Variants in ADCY8 observed in about 807,000 individuals in gnomAD.
ADCY8 encodes the protein adenylate cyclase type 8.
In ADCY8, 51 loss-of-function variants were observed where a neutral mutation model predicts 119.7. That is an observed-to-expected ratio of 0.43 (90% CI 0.34 to 0.54). ADCY8 has a LOEUF of 0.54. ADCY8 is among the 20% of genes least tolerant of loss of function. The pLI, the probability that ADCY8 is intolerant of heterozygous loss-of-function variation, is 0.03. For missense variants in ADCY8, 1,383 were observed against 1,598.8 expected (o/e 0.87, Z 2.30); for synonymous variants, 665 against 651.0 (o/e 1.02, Z -0.33).
At chr8:131,024,187 G>A (rs903003670) in intron 1 of ADCY8, among the ~76,000 whole-genome samples, 2 of 152,148 alleles carry the variant, frequency 1.3e-5, no homozygotes, top group Non-Finnish European at 2.9e-5. Context: ...CCACTGTCGC[G>A]TGTTTGGCAG....
chr8:130,805,295 C>T (rs72712449), intron 14 of ADCY8, among the ~76,000 whole-genome samples: 31,055 of 152,016 alleles, frequency 0.2, 3,695 homozygotes, highest in Middle Eastern at 0.39. Context: ...ATACTTTACC[C>T]GAGCCCCATA....
At chr8:130,831,236 A>G (rs1816824906) in intron 12 of ADCY8, among the ~76,000 whole-genome samples, 1 of 152,220 alleles carries the variant, frequency 6.6e-6, no homozygotes, top group Non-Finnish European at 1.5e-5. Context: ...TGCTTCTTTC[A>G]GTCACTCAAT....
At chr8:130,826,275 A>G in intron 12 of ADCY8, among the ~76,000 whole-genome samples, 1 of 152,356 alleles carries the variant, frequency 6.6e-6, no homozygotes, top group African/African-American at 2.4e-5. Context: ...CATATGAACT[A>G]TTAAGTATTG....
At chr8:130,997,694 C>A (rs1035846882) in intron 1 of ADCY8, among the ~76,000 whole-genome samples, 1 of 152,172 alleles carries the variant, frequency 6.6e-6, no homozygotes, top group Non-Finnish European at 1.5e-5. Flanking sequence ...AATGCCTGAA[C>A]TGTTCAATTA....
rs1480617693 is a variant in ADCY8, at chr8:130,869,523, T to TTG, written c.2110-1578_2110-1577insCA. On this transcript the variant is annotated intron_variant, in intron 8 of 17. Transcript: ENST00000286355. ...TATTTTGTTTATTTTTTTTTGTTTT[T>TTG]TTGTTTTTTTTTGAGACAGAGTCTC... Among the ~76,000 whole-genome samples, 46 of 145,648 alleles carry TTG rather than the reference T, an allele frequency of 3.2e-4. 1 individual carries two copies. The highest frequency in any genetic ancestry group is 1.1e-3 in the African/African-American group (41 of 36,918).
At chr8:130,875,504 G>T (rs1254169559) in intron 8 of ADCY8, among the ~76,000 whole-genome samples, 1 of 152,168 alleles carries the variant, frequency 6.6e-6, no homozygotes, top group African/African-American at 2.4e-5. Flanking sequence ...ACATGGAGTG[G>T]TTCAACAAAT....
chr8:131,011,367 C>G (rs533473385), intron 1 of ADCY8, among the ~76,000 whole-genome samples: 3 of 152,228 alleles, frequency 2.0e-5, no homozygotes, highest in East Asian at 3.9e-4. Context: ...ATTCAATTCT[C>G]TCCCCTCTTT....
At chr8:130,866,304 G>T (rs1447311923) in intron 9 of ADCY8, among the ~76,000 whole-genome samples, 1 of 147,718 alleles carries the variant, frequency 6.8e-6, no homozygotes, top group Non-Finnish European at 1.5e-5. Flanking sequence ...GTCAAGCATG[G>T]CCTGCCCTTG....
chr8:130,925,811 T>A lies in ADCY8; in HGVS notation c.1481+11262A>T, dbSNP rs146207871. On this transcript the variant is annotated intron_variant, in intron 5 of 17. Transcript: ENST00000286355. ...TGACTCTTGGAACTCAGCTTTGATG[T>A]GTTATCATCCCATCCTTTCTATTTC... is the stretch of plus-strand genomic sequence containing the variant. 6.1e-4 allele frequency among the ~76,000 whole-genome samples: 93 copies of A among 152,354 alleles called. No homozygotes were observed. The Middle Eastern group carries it at 0.017, about 28-fold the overall frequency.
intron 2 of ADCY8, among the ~76,000 whole-genome samples, chr8:130,983,547 G>A (rs67683764): frequency 0.17 from 25,780 of 152,070 alleles, 4,343 homozygotes; most frequent in African/African-American, 0.44. Flanking sequence ...ATCTTTGCTG[G>A]GCTGTGTGAA....
rs1157550108 is a variant in ADCY8, at chr8:130,813,247, A to G, written c.2913+822T>C. On this transcript the variant is annotated intron_variant, in intron 14 of 17. Transcript: ENST00000286355. ...TAGGCGTGAGCCACTGCGCCCGGCCATCTTGACCATTTTTAAGTGTATAGT... is the reference window on the plus strand; with the variant it reads ...TAGGCGTGAGCCACTGCGCCCGGCCGTCTTGACCATTTTTAAGTGTATAGT... 2.0e-5 allele frequency among the ~76,000 whole-genome samples: 3 copies of G among 152,190 alleles called. No individual in the cohort carries two copies. In the East Asian group the frequency reaches 5.8e-4, roughly 29 times the overall value.
intron 14 of ADCY8, among the ~76,000 whole-genome samples, chr8:130,803,907 G>C (rs139160422): frequency 6.6e-6 from 1 of 152,236 alleles, no homozygotes; most frequent in Admixed American, 6.5e-5. Flanking sequence ...TTATCCAAAA[G>C]AGCACAGGCA....
At chr8:130,800,663 T>C in intron 14 of ADCY8, 91 bp from the exon 15 acceptor site, 1 of 1,385,062 alleles carries the variant, frequency 7.2e-7, no homozygotes, top group South Asian at 1.3e-5. Flanking sequence ...GGTACACACG[T>C]GCACAGTCAC....
chr8:130,830,241 A>G (rs1428603086), intron 12 of ADCY8, among the ~76,000 whole-genome samples: 1 of 152,166 alleles, frequency 6.6e-6, no homozygotes, highest in Non-Finnish European at 1.5e-5. Flanking sequence ...ATAGATGCTG[A>G]CATTGTGACA....
chr8:130,832,114 A>C (rs1031161682), intron 12 of ADCY8, among the ~76,000 whole-genome samples: 4 of 152,202 alleles, frequency 2.6e-5, no homozygotes, highest in African/African-American at 9.7e-5. Flanking sequence ...TTTAAGTCCT[A>C]AACTTGTACT....
At chr8:130,864,898 C>T (rs188051291) in intron 9 of ADCY8, among the ~76,000 whole-genome samples, 2 of 151,434 alleles carry the variant, frequency 1.3e-5, no homozygotes, top group African/African-American at 2.4e-5. Context: ...TTTTGGTGTG[C>T]CTTGTAATTT....
At chr8:130,940,746 G>A (rs1820931076) in intron 4 of ADCY8, among the ~76,000 whole-genome samples, 4 of 152,194 alleles carry the variant, frequency 2.6e-5, no homozygotes, top group Admixed American at 1.3e-4. Flanking sequence ...AAAGTAGGGT[G>A]AGGATCTTCT....
rs186784727 is a variant in ADCY8, at chr8:131,038,619, A to G, written c.960+755T>C. 3.7e-4 allele frequency among the ~76,000 whole-genome samples: 57 copies of G among 152,328 alleles called. No individual in the cohort carries two copies. The East Asian group carries it at 8.9e-3, about 24-fold the overall frequency. On this transcript the variant is annotated intron_variant, in intron 1 of 17. Coordinates refer to ENST00000286355, the MANE Select transcript of ADCY8 (RefSeq NM_001115.3). ...GAAAGGAGGGAAAGATACCTAAAGA[A>G]CAAGATTCCACCTAAATATAATATT...
At chr8:131,028,586 T>G (rs1220323059) in intron 1 of ADCY8, among the ~76,000 whole-genome samples, 1 of 152,200 alleles carries the variant, frequency 6.6e-6, no homozygotes, top group African/African-American at 2.4e-5. Context: ...TGACCGTTTT[T>G]GGGACTTTAT....
Sources: gnomAD v4.1 joint callset for allele counts (sites outside exome capture counted in the v4.1 genomes callset) on GRCh38, gnomAD v4.1.1 for gene constraint, MANE v1.5 for transcripts, NCBI Gene and HGNC (gene_info 2026-07-23, HGNC 2026-07-21) for gene names.